HOOK3: variants seen among roughly 807,000 people sequenced by gnomAD.
HOOK3 encodes the protein hook microtubule tethering protein 3, also known as protein Hook homolog 3.
Under a neutral mutation model 116.3 loss-of-function variants are expected in HOOK3, and 24 were observed. That is an observed-to-expected ratio of 0.21 (90% CI 0.15 to 0.29). The LOEUF (loss-of-function observed/expected upper bound fraction) is 0.29. HOOK3 is among the 10% of genes least tolerant of loss of function. The probability of loss-of-function intolerance (pLI) is 1.00; values close to 1 mark genes in which losing one functional copy is unlikely to be tolerated. For synonymous variants in HOOK3, 275 were observed against 283.0 expected (o/e 0.97, Z 0.28); for missense variants, 632 against 830.2 (o/e 0.76, Z 2.93).
At chr8:43,003,771 G>C (rs1165156350) in intron 17 of HOOK3, among the ~76,000 whole-genome samples, 1 of 152,148 alleles carries the variant, frequency 6.6e-6, no homozygotes, top group African/African-American at 2.4e-5. Context: ...CAGCAGTCCT[G>C]ATGTTTTTGG....
chr8:42,985,648 G>A (rs554679002), intron 14 of HOOK3, among the ~76,000 whole-genome samples: 69 of 151,886 alleles, frequency 4.5e-4, no homozygotes, highest in African/African-American at 1.6e-3. Context: ...CCCATACTGA[G>A]GCAGAAGAAT....
Position 42,968,216 on chromosome 8 carries a change from T to TA in HOOK3, c.1122+6dup. The TA allele has an allele frequency of 6.2e-7, 1 of 1,606,168 alleles. No individual in the cohort carries two copies. Among genetic ancestry groups the TA allele is most frequent in the Non-Finnish European group, 8.5e-7 (1 of 1,175,160 alleles). ...CAACTTGAAACCTACAAGAGACAGG[T>TA]AAAAGAAACACAGCATCTTGATGAT... On this transcript the variant is annotated splice_region_variant and intron_variant, in intron 11 of 21. Transcript: ENST00000307602.
At chr8:42,983,673 C>G (rs2130448178) in intron 14 of HOOK3, among the ~76,000 whole-genome samples, 1 of 152,134 alleles carries the variant, frequency 6.6e-6, no homozygotes, top group Non-Finnish European at 1.5e-5. Context: ...CTGGGTTTTG[C>G]CATGTTTCCC....
chr8:42,980,291 G>GA (rs971329216), intron 13 of HOOK3, among the ~76,000 whole-genome samples: 1 of 152,056 alleles, frequency 6.6e-6, no homozygotes, highest in African/African-American at 2.4e-5. Flanking sequence ...AATCTAACCT[G>GA]AAATTTAACC....
At chr8:42,993,508 A>G (rs1265698668) in intron 15 of HOOK3, among the ~76,000 whole-genome samples, 1 of 152,020 alleles carries the variant, frequency 6.6e-6, no homozygotes, top group Non-Finnish European at 1.5e-5. Context: ...TATCAGGGTA[A>G]TATTTGCCAC....
chr8:43,003,156 C>A (rs798827), intron 17 of HOOK3, among the ~76,000 whole-genome samples: 19,463 of 152,098 alleles, frequency 0.13, 2,104 homozygotes, highest in African/African-American at 0.27. Flanking sequence ...AGTGTTACAA[C>A]TTTACACTGT....
intron 14 of HOOK3, 49 bp from the exon 15 acceptor site, chr8:42,986,606 C>T (rs1383350859): frequency 1.7e-5 from 25 of 1,448,924 alleles, no homozygotes; most frequent in East Asian, 2.4e-5. Context: ...TATATTAATG[C>T]ACCAAATGAC....
Position 43,029,838 on chromosome 8 carries a change from C to A in HOOK3, c.*11340C>A. The A allele has an allele frequency of 4.7e-6, 1 of 212,994 alleles. No homozygotes were observed. The highest frequency in any genetic ancestry group is 1.9e-4 in the South Asian group (1 of 5,354). 13.2% of individuals were successfully genotyped at this position (212,994 alleles called of 1,614,324 possible). A position where few individuals can be genotyped will look rare whatever the true frequency, so the allele number is the denominator to read the frequency against. On this transcript the variant is annotated 3_prime_UTR_variant, in exon 22 of 22. Coordinates refer to ENST00000307602, the MANE Select transcript of HOOK3 (RefSeq NM_032410.4). The stretch of plus-strand genomic sequence containing the variant: ...GGAGTTGTATTGAGTACAGCCCCAA[C>A]TCTGAAGCCTTATATTCATGTCTTA...
chr8:42,910,644 T>C (rs542823116), intron 2 of HOOK3, among the ~76,000 whole-genome samples: 1 of 152,376 alleles, frequency 6.6e-6, no homozygotes, highest in Admixed American at 6.5e-5. Context: ...GATTTATCCA[T>C]ATTGTTACAC....
rs529665100 is a variant in HOOK3 at position 42,964,141 on chromosome 8, A to G, written c.616-170A>G. The stretch of plus-strand genomic sequence containing the variant: ...AGAATGGCGTGAACCCAGGAGGCGG[A>G]GCTTTCAGTGAGCCGAGATTGCGCC... On this transcript the variant is annotated intron_variant, in intron 8 of 21. Coordinates refer to ENST00000307602, the MANE Select transcript of HOOK3 (RefSeq NM_032410.4). Among the ~76,000 whole-genome samples the G allele has an allele frequency of 1.4e-4, 22 of 152,276 alleles. No individual in the cohort carries two copies. In the South Asian group the frequency reaches 4.4e-3, roughly 30 times the overall value.
chr8:42,924,419 G>T (rs1465899221), intron 2 of HOOK3, among the ~76,000 whole-genome samples: 4 of 147,812 alleles, frequency 2.7e-5, no homozygotes, highest in Non-Finnish European at 5.9e-5. Context: ...AGGATATTCA[G>T]ATTCTATCCT....
chr8:43,006,117 T>A (rs955279785), intron 17 of HOOK3, among the ~76,000 whole-genome samples: 1 of 150,392 alleles, frequency 6.6e-6, no homozygotes, highest in African/African-American at 2.5e-5. Context: ...GCCTCCCGGG[T>A]TCACGCCATT....
chr8:42,937,399 C>T (rs1175344038), intron 4 of HOOK3, among the ~76,000 whole-genome samples: 1 of 132,356 alleles, frequency 7.6e-6, no homozygotes, highest in Non-Finnish European at 1.6e-5. Context: ...TTCAGTTCTG[C>T]TCTGATCTTA....
chr8:42,980,159 G>A (rs971039120), intron 13 of HOOK3, among the ~76,000 whole-genome samples: 6 of 151,500 alleles, frequency 4.0e-5, no homozygotes, highest in Non-Finnish European at 8.8e-5. Flanking sequence ...AGACCATGTT[G>A]GCCAGCTGGT....
At chr8:42,956,223 C>CGTGTGTGTGTGTGTGTGTGTGTGTGT (rs61448463) in intron 6 of HOOK3, among the ~76,000 whole-genome samples, 28 of 135,886 alleles carry the variant, frequency 2.1e-4, no homozygotes, top group African/African-American at 3.5e-4. Context: ...AGGATTAGGG[C>CGTGTGTGTGTGTGTGTGTGTGTGTGT]GTGTGTGTGT....
intron 10 of HOOK3, among the ~76,000 whole-genome samples, chr8:42,967,452 C>G (rs1281500437): frequency 6.6e-6 from 1 of 152,126 alleles, no homozygotes; most frequent in East Asian, 1.9e-4. Context: ...CTGTTCAGGG[C>G]TAATTCCTTC....
rs1462451577 is a variant in HOOK3, at chr8:42,964,289, CCGT to C, written c.616-17_616-15del. ...CCAGTGTAGTTGGAAGAAATAACTG[CCGT>C]CGTCCTATATTCCAACAGGTTGCAG... On this transcript the variant is annotated intron_variant, in intron 8 of 21. Coordinates refer to ENST00000307602, the MANE Select transcript of HOOK3 (RefSeq NM_032410.4). The C allele has an allele frequency of 1.9e-6, 3 of 1,612,336 alleles. No homozygotes were observed. Among genetic ancestry groups the C allele is most frequent in the Non-Finnish European group, 2.5e-6 (3 of 1,178,884 alleles).
chr8:42,946,516 GA>G (rs1808229296), intron 5 of HOOK3, among the ~76,000 whole-genome samples: 1 of 150,848 alleles, frequency 6.6e-6, no homozygotes, highest in Non-Finnish European at 1.5e-5. Context: ...TGAAGACGAT[GA>G]ATTTTTTTTT....
chr8:42,985,924 A>G (rs755533765), intron 14 of HOOK3, among the ~76,000 whole-genome samples: 2 of 152,194 alleles, frequency 1.3e-5, no homozygotes, highest in African/African-American at 4.8e-5. Context: ...TTCTTTATCC[A>G]CAAGAAGCTT....
Sources: allele counts gnomAD v4.1 joint callset (sites outside exome capture counted in the v4.1 genomes callset), GRCh38; gene constraint gnomAD v4.1.1; transcripts MANE v1.5; gene names NCBI Gene and HGNC (gene_info 2026-07-23, HGNC 2026-07-21).